Variants in GLIPR1L2 observed in about 807,000 individuals in gnomAD.
GLIPR1L2 encodes the protein GLIPR1-like protein 2.
GLIPR1L2 carries 21 observed loss-of-function variants against 28.4 expected under a neutral mutation model. The ratio of observed to expected loss-of-function variants is 0.74; its 90% CI spans 0.52 to 1.06. The LOEUF (loss-of-function observed/expected upper bound fraction) is 1.06, where lower values mean the gene tolerates loss of function less well. Ranked by LOEUF, GLIPR1L2 falls within the 50% of genes least tolerant of loss-of-function variation. The pLI is 0.00. For synonymous variants in GLIPR1L2, 145 were observed against 139.3 expected (o/e 1.04, Z -0.29); for missense variants, 476 against 416.9 (o/e 1.14, Z -1.23).
At chr12:75,402,672 T>A (rs1010120545) in intron 1 of GLIPR1L2, among the ~76,000 whole-genome samples, 4 of 152,196 alleles carry the variant, frequency 2.6e-5, no homozygotes, top group Non-Finnish European at 4.4e-5. Context: ...TTGGGCCCTG[T>A]CCTAAAGCCT....
At chr12:75,423,311 T>G in intron 4 of GLIPR1L2, 1 of 1,146,646 alleles carries the variant, frequency 8.7e-7, no homozygotes, top group Non-Finnish European at 1.1e-6. Context: ...AATAACTGCT[T>G]TAAAGGATAG....
At position 75,429,889 on chromosome 12, in the gene GLIPR1L2, A is replaced by G. The variant is rs553209277; in HGVS notation, c.671-826A>G. Among the ~76,000 whole-genome samples, 13 of 150,718 alleles carry G rather than the reference A, an allele frequency of 8.6e-5. No homozygotes were observed. The East Asian group carries it at 2.5e-3, about 29-fold the overall frequency. ...TAAATTTCCTGAGGCCTGCCCAGCT[A>G]TGCAGAACTATGAGTCAATTAAACC... On this transcript the variant is annotated intron_variant, in intron 4 of 5. Transcript: ENST00000550916.
intron 1 of GLIPR1L2, among the ~76,000 whole-genome samples, chr12:75,407,021 C>T (rs187256729): frequency 6.6e-6 from 1 of 151,960 alleles, no homozygotes; most frequent in South Asian, 2.1e-4. Context: ...AATCTTCATC[C>T]CCTCCCCTTG....
At chr12:75,402,270 C>A (rs2045750226) in intron 1 of GLIPR1L2, among the ~76,000 whole-genome samples, 1 of 152,106 alleles carries the variant, frequency 6.6e-6, no homozygotes. Context: ...TGTTGAAGAT[C>A]TGTTCTTTAA....
At chr12:75,412,613 G>C (rs540122612) in intron 2 of GLIPR1L2, among the ~76,000 whole-genome samples, 1 of 151,514 alleles carries the variant, frequency 6.6e-6, no homozygotes, top group African/African-American at 2.4e-5. Flanking sequence ...ATCACTGGCC[G>C]TCAGAGAAAT....
chr12:75,425,850 T>C lies in GLIPR1L2; in HGVS notation c.670+2861T>C, dbSNP rs548612420. 2.0e-5 allele frequency among the ~76,000 whole-genome samples: 3 copies of C among 152,252 alleles called. No individual in the cohort carries two copies. In the East Asian group the frequency reaches 5.8e-4, roughly 29 times the overall value. ...AGTTTTCTCACTGTCAGAAATGGAATACAAATATGTAAAGGAAAAAAGTAA... is the reference window on the plus strand; with the variant it reads ...AGTTTTCTCACTGTCAGAAATGGAACACAAATATGTAAAGGAAAAAAGTAA... On this transcript the variant is annotated intron_variant, in intron 4 of 5. Coordinates refer to ENST00000550916, the MANE Select transcript of GLIPR1L2 (RefSeq NM_001270396.2).
At chr12:75,391,409 G>C (rs1404164292) in intron 1 of GLIPR1L2, 59 bp downstream of exon 1, 1 of 1,602,390 alleles carries the variant, frequency 6.2e-7, no homozygotes. Flanking sequence ...CGCCTCCCTG[G>C]ATCTCGGGTA....
At chr12:75,399,732 T>C (rs2045719120) in intron 1 of GLIPR1L2, among the ~76,000 whole-genome samples, 1 of 152,244 alleles carries the variant, frequency 6.6e-6, no homozygotes, top group African/African-American at 2.4e-5. Context: ...TTAACATTTT[T>C]GTGTAGCTGA....
Position 75,391,331 on chromosome 12 carries a change from G to A in GLIPR1L2, c.215G>A (p.Gly72Glu), listed in dbSNP as rs143507828. The A allele has an allele frequency of 1.2e-4, 187 of 1,614,010 alleles. No homozygotes were observed. Among genetic ancestry groups the A allele is most frequent in the Non-Finnish European group, 1.5e-4 (180 of 1,179,958 alleles). ...NELRGDVIPR[G>E]SNLRFMTWDV... The stretch of plus-strand genomic sequence containing the variant: ...CTGCGGGGCGACGTCATTCCCCGAG[G>A]GTCTAACTTGCGCTTCATGGTGAGG... Residue 72 changes from glycine (G) to glutamate (E), a missense_variant, in exon 1 of 6, where the codon GGG (glycine) becomes GAG (glutamate). Coordinates refer to ENST00000550916, the MANE Select transcript of GLIPR1L2 (RefSeq NM_001270396.2).
chr12:75,416,534 G>T (rs2045925227), intron 3 of GLIPR1L2, among the ~76,000 whole-genome samples: 1 of 152,104 alleles, frequency 6.6e-6, no homozygotes, highest in African/African-American at 2.4e-5. Context: ...TGCTGGTAAG[G>T]TACTTGGAAG....
intron 2 of GLIPR1L2, among the ~76,000 whole-genome samples, chr12:75,412,874 A>C (rs1334132376): frequency 3.3e-5 from 5 of 151,702 alleles, no homozygotes; most frequent in African/African-American, 9.7e-5. Context: ...TAAATCATGC[A>C]GCTATAAAGA....
chr12:75,422,934 A>G lies in GLIPR1L2; in HGVS notation c.615A>G (p.Pro205=). ...CACTGACGAGAAGACCTTATGAACC[A>G]GGAATATTTTGTACTCGATGTGGCA... The part of the protein sequence containing the change: ...GGTLTRRPYE[P]GIFCTRCGRR... The change falls in exon 4 of 6, where the codon CCA becomes CCG. Residue 205 remains proline (P), a synonymous_variant. Transcript: ENST00000550916. 6.2e-7 allele frequency: 1 copy of G among 1,612,134 alleles called. No individual in the cohort carries two copies. The highest frequency in any genetic ancestry group is 8.5e-7 in the Non-Finnish European group (1 of 1,179,508).
At chr12:75,391,538 T>C in intron 1 of GLIPR1L2, 188 bp downstream of exon 1, 1 of 1,524,208 alleles carries the variant, frequency 6.6e-7, no homozygotes, top group Non-Finnish European at 8.8e-7. Context: ...ACATGCTTAT[T>C]ACCATGATAT....
At chr12:75,397,074 A>G (rs2045689147) in intron 1 of GLIPR1L2, among the ~76,000 whole-genome samples, 1 of 152,002 alleles carries the variant, frequency 6.6e-6, no homozygotes, top group Admixed American at 6.6e-5. Context: ...TTGAACTCCT[A>G]TTAGATGTAT....
chr12:75,427,092 G>A (rs2139966974), intron 4 of GLIPR1L2, among the ~76,000 whole-genome samples: 1 of 152,218 alleles, frequency 6.6e-6, no homozygotes, highest in Non-Finnish European at 1.5e-5. Context: ...TAAAACTTGG[G>A]AGGAGAAGAG....
In GLIPR1L2 at chr12:75,432,593, T is replaced by C. The variant is rs2046101483; in HGVS notation, c.*1432T>C. 1 of 152,036 alleles carries C rather than the reference T, an allele frequency of 6.6e-6. No individual in the cohort carries two copies. Among genetic ancestry groups the C allele is most frequent in the Admixed American group, 6.6e-5 (1 of 15,262 alleles). 9.4% of individuals were successfully genotyped at this position (152,036 alleles called of 1,614,324 possible). ...GTATAAATGCTATGTGTATTTACTCTGTTGTTCTTTAGTTGTATCAATATT... is the reference window on the plus strand; with the variant it reads ...GTATAAATGCTATGTGTATTTACTCCGTTGTTCTTTAGTTGTATCAATATT... On this transcript the variant is annotated 3_prime_UTR_variant, in exon 6 of 6. Transcript: ENST00000550916.
At chr12:75,413,521 G>A in intron 2 of GLIPR1L2, 77 bp from the exon 3 acceptor site, 1 of 780,474 alleles carries the variant, frequency 1.3e-6, no homozygotes, top group Non-Finnish European at 2.1e-6. Context: ...TATGTGAATG[G>A]AATATATTAT....
At chr12:75,405,211 A>C (rs1167001284) in intron 1 of GLIPR1L2, among the ~76,000 whole-genome samples, 2 of 152,214 alleles carry the variant, frequency 1.3e-5, no homozygotes, top group African/African-American at 4.8e-5. Flanking sequence ...TCTTAAAATA[A>C]AATGACTGGT....
intron 1 of GLIPR1L2, chr12:75,402,931 T>G: frequency 2.2e-6 from 1 of 452,282 alleles, no homozygotes; most frequent in Non-Finnish European, 4.5e-6. Context: ...TCCTCTAACA[T>G]GATAGTCTTG....
Sources: gnomAD v4.1 joint callset for allele counts (sites outside exome capture counted in the v4.1 genomes callset) on GRCh38, gnomAD v4.1.1 for gene constraint, MANE v1.5 for transcripts, NCBI Gene and HGNC (gene_info 2026-07-23, HGNC 2026-07-21) for gene names.